The following SBF2 variants were observed in gnomAD, a reference collection of about 807,000 sequenced individuals.
The protein encoded by SBF2 is myotubularin-related protein 13.
In SBF2, 112 loss-of-function variants were observed where a neutral mutation model predicts 225.2. The observed-to-expected ratio is 0.50, with a 90% confidence interval of 0.43 to 0.58. SBF2 has a LOEUF of 0.58. Among genes scored for constraint, SBF2 ranks in the 20% least tolerant of loss-of-function variants. The pLI, the probability that SBF2 is intolerant of heterozygous loss-of-function variation, is 0.00. For synonymous variants in SBF2, 763 were observed against 773.3 expected (o/e 0.99, Z 0.22); for missense variants, 1,996 against 2,206.2 (o/e 0.90, Z 1.91).
At chr11:9,990,447 T>C (rs1350704497) in intron 12 of SBF2, among the ~76,000 whole-genome samples, 1 of 152,178 alleles carries the variant, frequency 6.6e-6, no homozygotes, top group Non-Finnish European at 1.5e-5. Flanking sequence ...TCAGGCTAAG[T>C]GAAAACAAGG....
chr11:9,801,750 A>T (rs1020102856), intron 32 of SBF2, among the ~76,000 whole-genome samples: 3 of 152,220 alleles, frequency 2.0e-5, no homozygotes, highest in Non-Finnish European at 2.9e-5. Context: ...GCCAGTTTGC[A>T]GTTGAATAGG....
intron 2 of SBF2, among the ~76,000 whole-genome samples, chr11:10,051,116 T>C (rs904112045): frequency 7.2e-5 from 11 of 152,144 alleles, no homozygotes; most frequent in African/African-American, 2.7e-4. Flanking sequence ...TGTGATTAAA[T>C]TGAATGATCT....
chr11:10,191,619 T>C (rs1426660712), intron 2 of SBF2, among the ~76,000 whole-genome samples: 3 of 152,180 alleles, frequency 2.0e-5, no homozygotes, highest in African/African-American at 4.8e-5. Context: ...GCTAAGAATA[T>C]GCCAAGAAGT....
intron 6 of SBF2, among the ~76,000 whole-genome samples, chr11:10,010,070 A>G (rs1484451088): frequency 6.6e-6 from 1 of 152,082 alleles, no homozygotes; most frequent in African/African-American, 2.4e-5. Flanking sequence ...GTCTGTTCAT[A>G]TCTTTCACCC....
At position 10,002,653 on chromosome 11, in the gene SBF2, A is replaced by G. The variant is rs1311636539; in HGVS notation, c.656T>C (p.Leu219Pro). ...ATGGAAGAGAACCTTATTTTCTGTGAGGACTGCACAAAAGAGGCTGAGGAC... is the reference window on the plus strand; with the variant it reads ...ATGGAAGAGAACCTTATTTTCTGTGGGGACTGCACAAAAGAGGCTGAGGAC... ...QNVLSLFCAVLTENKVLFHSA... is the reference protein window; with the variant it reads ...QNVLSLFCAVPTENKVLFHSA... Residue 219 changes from leucine to proline, a missense_variant, in exon 7 of 40, where the codon CTC becomes CCC. Transcript: ENST00000256190. 1 of 1,613,236 alleles carries G rather than the reference A, an allele frequency of 6.2e-7. No homozygotes were observed. Among genetic ancestry groups the G allele is most frequent in the South Asian group, 1.1e-5 (1 of 91,068 alleles).
chr11:10,042,062 T>G (rs938966167), intron 3 of SBF2, among the ~76,000 whole-genome samples: 2 of 152,190 alleles, frequency 1.3e-5, no homozygotes, highest in African/African-American at 4.8e-5. Context: ...AAGTCAGCAG[T>G]GTGAATATCT....
chr11:9,780,500 C>G lies in SBF2; in HGVS notation c.5468G>C (p.Arg1823Pro). 9 of 1,614,104 alleles carry G rather than the reference C, an allele frequency of 5.6e-6. No homozygotes were observed. The highest frequency in any genetic ancestry group is 1.3e-5 in the African/African-American group (1 of 75,032). Reference protein sequence around the residue: ...KAFFDLKTSKRVYNFCAQDGQ... With the variant: ...KAFFDLKTSKPVYNFCAQDGQ... ...ATCCTGGGCGCAGAAGTTATACACA[C>G]GTTTGCTGGTCTTGAGCTACAAAAC... Residue 1823 changes from arginine (R) to proline (P), a missense_variant, in exon 40 of 40, where the codon CGT becomes CCT. By Grantham distance (103) the Arg-to-Pro change is moderately radical. Transcript: ENST00000256190.
In SBF2 at chr11:9,790,651, C is replaced by A. The variant is rs546392558; in HGVS notation, c.4603G>T (p.Ala1535Ser). 6.3e-7 allele frequency: 1 copy of A among 1,583,592 alleles called. No homozygotes were observed. Among genetic ancestry groups the A allele is most frequent in the South Asian group, 1.1e-5 (1 of 89,388 alleles). The change falls in exon 34 of 40, where the codon GCC becomes TCC. Residue 1535 changes from alanine (A) to serine (S), a missense_variant. Physicochemically the swap from Ala to Ser is moderately conservative, Grantham distance 99. Coordinates refer to ENST00000256190, the MANE Select transcript of SBF2 (RefSeq NM_030962.4). ...TCCCAAATACAGACTCCTTTTTTGG[C>A]ATGCTTTTCTCCTTTATCATCAAAT... ...TLFDDKGEKH[A>S]KKGVCIWECI...
In SBF2 at chr11:9,844,586, A is replaced by G. The variant is rs1246151677; in HGVS notation, c.3110+979T>C. 4.6e-5 allele frequency among the ~76,000 whole-genome samples: 7 copies of G among 152,230 alleles called. 1 individual carries two copies. Among genetic ancestry groups the G allele is most frequent in the Non-Finnish European group, 1.5e-5 (1 of 68,030 alleles). On this transcript the variant is annotated intron_variant, in intron 24 of 39. Coordinates refer to ENST00000256190, the MANE Select transcript of SBF2 (RefSeq NM_030962.4). ...TAAAGAAATATGACAACTAAATGCAATGCCTGATCCTGGATTAGATCCTGG... is the reference window on the plus strand; with the variant it reads ...TAAAGAAATATGACAACTAAATGCAGTGCCTGATCCTGGATTAGATCCTGG...
chr11:10,101,503 A>G (rs750881271), intron 2 of SBF2, among the ~76,000 whole-genome samples: 9 of 151,690 alleles, frequency 5.9e-5, no homozygotes, highest in Non-Finnish European at 1.0e-4. Context: ...AAGTGGCTTG[A>G]CCCCCACAGC....
intron 28 of SBF2, among the ~76,000 whole-genome samples, chr11:9,821,201 G>A (rs1199813928): frequency 1.3e-5 from 2 of 152,040 alleles, no homozygotes; most frequent in Non-Finnish European, 2.9e-5. Flanking sequence ...GTTTATTCTC[G>A]TATCCATGCT....
chr11:10,047,309 A>C (rs1949900790), intron 2 of SBF2, among the ~76,000 whole-genome samples: 1 of 152,196 alleles, frequency 6.6e-6, no homozygotes, highest in Admixed American at 6.5e-5. Context: ...GATCCAGGAT[A>C]GCCAATACAA....
chr11:9,908,503 T>C (rs796631311), intron 16 of SBF2, among the ~76,000 whole-genome samples: 4 of 152,232 alleles, frequency 2.6e-5, no homozygotes, highest in African/African-American at 9.6e-5. Context: ...GGCGGGCGCC[T>C]GTAGTCCCAG....
In SBF2 at chr11:9,845,556, T is replaced by G; in HGVS notation, c.3110+9A>C. ...GGGCTGAAATTAACAGACTTGTCTT[T>G]CTTCTTACCGAAAAGAAGTGTTCTT... is the stretch of plus-strand genomic sequence containing the variant. On this transcript the variant is annotated intron_variant, in intron 24 of 39. Transcript: ENST00000256190. 6.2e-7 allele frequency: 1 copy of G among 1,612,400 alleles called. No individual in the cohort carries two copies. Among genetic ancestry groups the G allele is most frequent in the Non-Finnish European group, 8.5e-7 (1 of 1,178,460 alleles).
At position 9,987,950 on chromosome 11, in the gene SBF2, C is replaced by T. The variant is rs544884744; in HGVS notation, c.1395+1547G>A. 2.7e-4 allele frequency among the ~76,000 whole-genome samples: 41 copies of T among 152,064 alleles called. 1 individual carries two copies. The highest frequency in any genetic ancestry group is 8.2e-4 in the African/African-American group (34 of 41,488). The stretch of plus-strand genomic sequence containing the variant: ...ATTCATATGGAACTAAAAAAGAGCC[C>T]GCATAGCCAAAGCAAGACTAAGCAA... On this transcript the variant is annotated intron_variant, in intron 13 of 39. Transcript: ENST00000256190.
rs191160849 is a variant in SBF2 at position 9,849,897 on chromosome 11, A to G, written c.2806+126T>C. On this transcript the variant is annotated intron_variant, in intron 22 of 39. Coordinates refer to ENST00000256190, the MANE Select transcript of SBF2 (RefSeq NM_030962.4). ...CTCTGTCAGACTAAAGTATTTCACC[A>G]AAATACCTGTGTGGCAAAAAGCTGA... is the stretch of plus-strand genomic sequence containing the variant. 507 of 913,346 alleles carry G rather than the reference A, an allele frequency of 5.6e-4. 3 individuals carry two copies. In the African/African-American group the frequency reaches 7.2e-3, roughly 13 times the overall value. The allele number at this position is 913,346 out of a possible 1,614,324, so 56.6% of individuals were successfully genotyped here. A position where few individuals can be genotyped will look rare whatever the true frequency, so the allele number is the denominator to read the frequency against.
intron 2 of SBF2, among the ~76,000 whole-genome samples, chr11:10,142,557 C>T (rs373986053): frequency 6.6e-6 from 1 of 152,242 alleles, no homozygotes; most frequent in African/African-American, 2.4e-5. Context: ...ATACAACCAG[C>T]GTGAAGTCAC....
intron 3 of SBF2, among the ~76,000 whole-genome samples, chr11:10,033,521 C>T (rs1485867133): frequency 2.0e-5 from 3 of 152,042 alleles, no homozygotes; most frequent in African/African-American, 7.2e-5. Context: ...ACGATGTTGA[C>T]TTTTCCTTTG....
intron 1 of SBF2, among the ~76,000 whole-genome samples, chr11:10,227,062 T>C (rs907937036): frequency 3.3e-5 from 5 of 152,242 alleles, no homozygotes; most frequent in African/African-American, 1.2e-4. Context: ...GATTTGCATT[T>C]CTCTGATGGC....
Sources: gnomAD v4.1 joint callset for allele counts (sites outside exome capture counted in the v4.1 genomes callset) on GRCh38, gnomAD v4.1.1 for gene constraint, MANE v1.5 for transcripts, NCBI Gene and HGNC (gene_info 2026-07-23, HGNC 2026-07-21) for gene names.